Variants in MAD1L1 observed in about 807,000 individuals in gnomAD.
The protein encoded by MAD1L1 is mitotic arrest deficient 1 like 1.
MAD1L1 carries 95 observed loss-of-function variants against 96.9 expected under a neutral mutation model. That is an observed-to-expected ratio of 0.98 (90% CI 0.83 to 1.16). The LOEUF (loss-of-function observed/expected upper bound fraction) is 1.16, where lower values mean the gene tolerates loss of function less well. Ranked by LOEUF, MAD1L1 falls within the 50% of genes most tolerant of loss-of-function variation. The pLI is 0.00. For missense variants in MAD1L1, 1,007 were observed against 954.4 expected, an observed-to-expected ratio of 1.06 and a Z score of -0.73; for synonymous variants, 473 against 396.6, an observed-to-expected ratio of 1.19 and a Z score of -2.29.
intron 11 of MAD1L1, among the ~76,000 whole-genome samples, chr7:2,122,545 T>C (rs1788030676): frequency 1.3e-5 from 2 of 151,672 alleles, no homozygotes; most frequent in Non-Finnish European, 2.9e-5. Flanking sequence ...GAGGTTGCCA[T>C]GAGCCAAAAT....
rs540514736 is a variant in MAD1L1 at position 1,941,179 on chromosome 7, C to T, written c.1597-4282G>A. 2.1e-3 allele frequency among the ~76,000 whole-genome samples: 317 copies of T among 152,326 alleles called. 2 individuals carry two copies. Among genetic ancestry groups the T allele is most frequent in the Admixed American group, 4.2e-3 (64 of 15,308 alleles). On this transcript the variant is annotated intron_variant, in intron 16 of 18. Coordinates refer to ENST00000265854, the MANE Select transcript of MAD1L1 (RefSeq NM_001013836.2). ...CGGGGGTCAGCGGTGGTGCGCCCAG[C>T]GCTGGCGTTGGACCCAGCAGTGCCT...
chr7:1,961,478 G>C (rs1177830381), intron 15 of MAD1L1, among the ~76,000 whole-genome samples: 1 of 152,188 alleles, frequency 6.6e-6, no homozygotes, highest in Non-Finnish European at 1.5e-5. Flanking sequence ...ATTCAGCGTA[G>C]AAAGGACAAA....
chr7:2,021,758 C>T (rs904260227), intron 12 of MAD1L1, among the ~76,000 whole-genome samples: 8 of 151,714 alleles, frequency 5.3e-5, no homozygotes, highest in Non-Finnish European at 1.0e-4. Flanking sequence ...GAGTGAGACT[C>T]TGTCTCAAAC....
chr7:1,902,538 A>G (rs1420057629), intron 17 of MAD1L1, among the ~76,000 whole-genome samples: 1 of 152,242 alleles, frequency 6.6e-6, no homozygotes, highest in Non-Finnish European at 1.5e-5. Flanking sequence ...GAGAGCAAGC[A>G]GAGAACCTTT....
intron 11 of MAD1L1, among the ~76,000 whole-genome samples, chr7:2,098,059 G>A (rs1015057567): frequency 1.2e-4 from 18 of 152,222 alleles, no homozygotes; most frequent in Non-Finnish European, 2.5e-4. Context: ...TCACTCATGC[G>A]GCGGCTCCAT....
intron 18 of MAD1L1, among the ~76,000 whole-genome samples, chr7:1,828,219 C>G (rs1476448232): frequency 6.6e-6 from 1 of 152,028 alleles, no homozygotes; most frequent in Non-Finnish European, 1.5e-5. Flanking sequence ...TATGAGGCAT[C>G]AAATGTGAAA....
At chr7:2,138,060 T>A (rs547804180) in intron 11 of MAD1L1, among the ~76,000 whole-genome samples, 120 of 152,218 alleles carry the variant, frequency 7.9e-4, no homozygotes, top group Non-Finnish European at 1.5e-3. Context: ...AGCACAGAGC[T>A]GTGAGTCCCA....
intron 18 of MAD1L1, among the ~76,000 whole-genome samples, chr7:1,871,559 C>A (rs1785101096): frequency 6.6e-6 from 1 of 150,492 alleles, no homozygotes; most frequent in Non-Finnish European, 1.5e-5. Flanking sequence ...CCACGCTGAA[C>A]CCAACATACG....
intron 17 of MAD1L1, among the ~76,000 whole-genome samples, chr7:1,919,590 G>C (rs1168391572): frequency 6.6e-6 from 1 of 152,262 alleles, no homozygotes; most frequent in African/African-American, 2.4e-5. Flanking sequence ...GAGGCCAATG[G>C]GCTCAGGCCA....
intron 15 of MAD1L1, among the ~76,000 whole-genome samples, chr7:1,975,722 G>C (rs915769071): frequency 1.3e-5 from 2 of 152,210 alleles, no homozygotes; most frequent in East Asian, 1.9e-4. Context: ...AGATCACAGA[G>C]TGTCCTGAAG....
chr7:2,035,356 G>T (rs1460889656), intron 12 of MAD1L1, among the ~76,000 whole-genome samples: 3 of 113,812 alleles, frequency 2.6e-5, no homozygotes, highest in Non-Finnish European at 5.1e-5. Flanking sequence ...CAGGCTCCCA[G>T]GCATGAGCGC....
Position 2,215,981 on chromosome 7 carries a change from GT to G in MAD1L1, c.827del (p.Asn276ThrfsTer51). ...SAHLREMRET[N>X]GLLQEELEGL... is the part of the protein sequence containing the mutation. ...CTTCCAGCTCTTCCTGGAGCAGCCC[GT>G]TGGTCTCTCTCATCTCCCTGGCAGT... is the stretch of plus-strand genomic sequence containing the variant. On this transcript the variant is annotated frameshift_variant, in exon 9 of 19. Coordinates refer to ENST00000265854, the MANE Select transcript of MAD1L1 (RefSeq NM_001013836.2). LOFTEE classifies it high-confidence loss of function. 1.2e-6 allele frequency: 2 copies of G among 1,614,118 alleles called. No individual in the cohort carries two copies. The highest frequency in any genetic ancestry group is 1.7e-6 in the Non-Finnish European group (2 of 1,180,044).
At chr7:2,196,635 C>G (rs1340244950) in intron 10 of MAD1L1, among the ~76,000 whole-genome samples, 3 of 152,244 alleles carry the variant, frequency 2.0e-5, no homozygotes, top group Non-Finnish European at 4.4e-5. Flanking sequence ...AACAAACAAA[C>G]GAGCGTCTCC....
intron 11 of MAD1L1, among the ~76,000 whole-genome samples, chr7:2,101,819 C>T (rs929443548): frequency 6.6e-6 from 1 of 152,196 alleles, no homozygotes; most frequent in Non-Finnish European, 1.5e-5. Flanking sequence ...GCACACAGGG[C>T]CACAGCTGTC....
At chr7:2,127,020 C>T (rs936427334) in intron 11 of MAD1L1, among the ~76,000 whole-genome samples, 1 of 152,194 alleles carries the variant, frequency 6.6e-6, no homozygotes. Flanking sequence ...GAAGCACATC[C>T]GAGGCCTCGT....
At chr7:2,144,432 T>G (rs1385199601) in intron 11 of MAD1L1, among the ~76,000 whole-genome samples, 1 of 152,094 alleles carries the variant, frequency 6.6e-6, no homozygotes, top group Admixed American at 6.5e-5. Flanking sequence ...CGGTCTTATT[T>G]CCAGCACAGC....
intron 11 of MAD1L1, among the ~76,000 whole-genome samples, chr7:2,075,660 G>A (rs1028483125): frequency 3.3e-5 from 5 of 152,090 alleles, no homozygotes; most frequent in East Asian, 3.9e-4. Context: ...ATCCATCTGC[G>A]CTGTGACCAG....
At chr7:1,985,067 T>G (rs765339062) in intron 14 of MAD1L1, among the ~76,000 whole-genome samples, 2 of 152,216 alleles carry the variant, frequency 1.3e-5, no homozygotes, top group African/African-American at 2.4e-5. Flanking sequence ...TTATAGTCTG[T>G]GACGGTTCAT....
chr7:2,072,334 G>A (rs150145456), intron 11 of MAD1L1, among the ~76,000 whole-genome samples: 150 of 152,332 alleles, frequency 9.8e-4, no homozygotes, highest in Middle Eastern at 3.4e-3. Flanking sequence ...AGAGGAAACC[G>A]TTCTGAGTCT....
Sources: allele counts gnomAD v4.1 joint callset (sites outside exome capture counted in the v4.1 genomes callset), GRCh38; gene constraint gnomAD v4.1.1; transcripts MANE v1.5; gene names NCBI Gene and HGNC (gene_info 2026-07-23, HGNC 2026-07-21).